Variants in PDS5A observed in about 807,000 individuals in gnomAD.
The protein encoded by PDS5A is sister chromatid cohesion protein PDS5 homolog A.
PDS5A carries 42 observed loss-of-function variants against 167.1 expected under a neutral mutation model. That is an observed-to-expected ratio of 0.25 (90% confidence interval 0.20 to 0.33). The LOEUF is 0.33. PDS5A is among the 10% of genes least tolerant of loss of function. PDS5A has a pLI of 1.00. For missense variants in PDS5A, 1,033 were observed against 1,605.9 expected (o/e 0.64, Z 6.10); for synonymous variants, 553 against 554.6 (o/e 1.00, Z 0.04).
At chr4:39,832,245 A>T (rs1396073422) in intron 32 of PDS5A, among the ~76,000 whole-genome samples, 3 of 151,212 alleles carry the variant, frequency 2.0e-5, no homozygotes, top group African/African-American at 7.3e-5. Flanking sequence ...TTGGAGTCTC[A>T]CTCTGTCGCC....
chr4:39,897,933 G>T, intron 16 of PDS5A: 1 of 532,012 alleles, frequency 1.9e-6, no homozygotes, highest in Non-Finnish European at 2.4e-6. Context: ...TAAGAATATT[G>T]GTTTTAAATG....
At chr4:39,849,924 C>A (rs1291315160) in intron 26 of PDS5A, among the ~76,000 whole-genome samples, 2 of 152,102 alleles carry the variant, frequency 1.3e-5, no homozygotes, top group Admixed American at 1.3e-4. Context: ...GATATGGTGG[C>A]TCGTGCCTAT....
chr4:39,977,729 G>T lies in PDS5A; in HGVS notation c.-313C>A, dbSNP rs1731261667. On this transcript the variant is annotated 5_prime_UTR_variant, in exon 1 of 33. Transcript: ENST00000303538. The surrounding 1 kb of genome is among the most constrained non-coding windows in gnomAD (Gnocchi z 4.2). ...AGAGCAGCCTCGAAGGCTCCTCCGG[G>T]AGTGTGTGCGCTTGTGTCCGTCCGG... is the stretch of plus-strand genomic sequence containing the variant. 1 of 149,476 alleles carries T rather than the reference G, an allele frequency of 6.7e-6. No individual in the cohort carries two copies. Among genetic ancestry groups the T allele is most frequent in the South Asian group, 2.0e-4 (1 of 4,900 alleles). The allele number at this position is 149,476 out of a possible 1,614,324, so 9.3% of individuals were successfully genotyped here.
At chr4:39,964,186 C>T (rs1349946826) in intron 2 of PDS5A, among the ~76,000 whole-genome samples, 1 of 152,044 alleles carries the variant, frequency 6.6e-6, no homozygotes, top group Non-Finnish European at 1.5e-5. Flanking sequence ...ACTGTGTTTA[C>T]AGTAGGGTAG....
chr4:39,876,951 T>G, intron 19 of PDS5A, 42 bp downstream of exon 19: 1 of 1,457,020 alleles, frequency 6.9e-7, no homozygotes, highest in Non-Finnish European at 9.4e-7. Context: ...TTCCCATACT[T>G]AGAAACTTTT....
chr4:39,943,919 T>G (rs1225771994), intron 2 of PDS5A, among the ~76,000 whole-genome samples: 1 of 152,096 alleles, frequency 6.6e-6, no homozygotes, highest in East Asian at 1.9e-4. Context: ...GGCTCATGCC[T>G]GTAATCTCAG....
At chr4:39,873,268 G>C (rs1017046877) in intron 20 of PDS5A, 124 bp from the exon 21 acceptor site, 1 of 456,246 alleles carries the variant, frequency 2.2e-6, no homozygotes, top group African/African-American at 2.0e-5. Context: ...TCTCTAATAC[G>C]ATCATAACTA....
At chr4:39,970,204 G>C (rs1458508028) in intron 2 of PDS5A, among the ~76,000 whole-genome samples, 1 of 151,814 alleles carries the variant, frequency 6.6e-6, no homozygotes, top group Non-Finnish European at 1.5e-5. Flanking sequence ...AATGACAAAT[G>C]AACACATGGG....
Position 39,977,219 on chromosome 4 carries a change from G to A in PDS5A, c.-41+238C>T, listed in dbSNP as rs997000271. Among the ~76,000 whole-genome samples the A allele has an allele frequency of 1.6e-4, 24 of 151,102 alleles. No individual in the cohort carries two copies. Among genetic ancestry groups the A allele is most frequent in the Admixed American group, 2.6e-4 (4 of 15,208 alleles). ...AGCCGCCCTCCACCCTCAGCCCCACGCCAGGAAGCGGCTGACGCGCCTCCG... is the reference window on the plus strand; with the variant it reads ...AGCCGCCCTCCACCCTCAGCCCCACACCAGGAAGCGGCTGACGCGCCTCCG... On this transcript the variant is annotated intron_variant, in intron 1 of 32. Coordinates refer to ENST00000303538, the MANE Select transcript of PDS5A (RefSeq NM_001100399.2). The surrounding 1 kb of genome is among the most constrained non-coding windows in gnomAD (Gnocchi z 4.2).
Position 39,890,159 on chromosome 4 carries a change from C to T in PDS5A, c.1886+90G>A, listed in dbSNP as rs1350060068. On this transcript the variant is annotated intron_variant, in intron 17 of 32. Transcript: ENST00000303538. ...TTAAAAAGAGACATACAGAGGTTTT[C>T]AGGTATCTTTAGGAGCCCAGAATTT... 5.9e-6 allele frequency: 4 copies of T among 674,538 alleles called. No individual in the cohort carries two copies. In the Admixed American group the frequency reaches 1.1e-4, roughly 18 times the overall value. The allele number at this position is 674,538 out of a possible 1,614,324, so 41.8% of individuals were successfully genotyped here. A position where few individuals can be genotyped will look rare whatever the true frequency, so the allele number is the denominator to read the frequency against.
At chr4:39,859,652 C>T (rs942394905) in intron 26 of PDS5A, among the ~76,000 whole-genome samples, 3 of 152,166 alleles carry the variant, frequency 2.0e-5, no homozygotes, top group African/African-American at 7.2e-5. Flanking sequence ...TTTCAGAGTG[C>T]ACCACCCTGG....
At chr4:39,896,705 G>A (rs760467637) in intron 16 of PDS5A, among the ~76,000 whole-genome samples, 3 of 151,740 alleles carry the variant, frequency 2.0e-5, no homozygotes, top group Non-Finnish European at 2.9e-5. Flanking sequence ...GGCTGAGGAT[G>A]CAGTGGGCCA....
chr4:39,830,903 T>G (rs1337190873), intron 32 of PDS5A, among the ~76,000 whole-genome samples: 2 of 152,268 alleles, frequency 1.3e-5, no homozygotes, highest in African/African-American at 4.8e-5. Context: ...AGAATTGGTC[T>G]AATTTAACCC....
chr4:39,897,720 G>T (rs1388890248), intron 16 of PDS5A, among the ~76,000 whole-genome samples: 1 of 152,066 alleles, frequency 6.6e-6, no homozygotes, highest in African/African-American at 2.4e-5. Context: ...TAAAAACTTA[G>T]CTGGGTGTGG....
intron 2 of PDS5A, among the ~76,000 whole-genome samples, chr4:39,971,829 AT>A (rs1730576007): frequency 6.6e-6 from 1 of 152,182 alleles, no homozygotes; most frequent in African/African-American, 2.4e-5. Context: ...AAACTCCTGA[AT>A]TTATAAAATT....
intron 22 of PDS5A, 130 bp from the exon 23 acceptor site, chr4:39,867,127 T>C: frequency 1.5e-6 from 1 of 678,470 alleles, no homozygotes; most frequent in Admixed American, 3.0e-5. Context: ...GTCTATGGGA[T>C]AATAACAGCA....
chr4:39,925,260 G>C (rs1420192981), intron 5 of PDS5A, among the ~76,000 whole-genome samples: 1 of 152,066 alleles, frequency 6.6e-6, no homozygotes, highest in African/African-American at 2.4e-5. Flanking sequence ...TCCAGCAACT[G>C]GTCCTTGGGC....
chr4:39,861,504 A>G (rs1254290496), intron 26 of PDS5A, among the ~76,000 whole-genome samples: 1 of 152,182 alleles, frequency 6.6e-6, no homozygotes, highest in Non-Finnish European at 1.5e-5. Flanking sequence ...ACAAAAATAC[A>G]CTTAGATACA....
chr4:39,952,724 A>AG (rs1470865411), intron 2 of PDS5A, among the ~76,000 whole-genome samples: 1 of 125,870 alleles, frequency 7.9e-6, no homozygotes, highest in African/African-American at 3.0e-5. Flanking sequence ...ACAGATCTGG[A>AG]ATTTTTTTTT....
Sources: gnomAD v4.1 joint callset for allele counts (sites outside exome capture counted in the v4.1 genomes callset) on GRCh38, gnomAD v4.1.1 for gene constraint, Gnocchi (gnomAD v3.1) non-coding constraint, MANE v1.5 for transcripts, NCBI Gene and HGNC (gene_info 2026-07-23, HGNC 2026-07-21) for gene names.